TARS3: variants seen among roughly 807,000 people sequenced by gnomAD.
TARS3 encodes threonyl-tRNA synthetase 3.
In TARS3, 94 loss-of-function variants were observed where a neutral mutation model predicts 103.5. The observed-to-expected ratio is 0.91, with a 90% confidence interval of 0.77 to 1.08. The LOEUF (loss-of-function observed/expected upper bound fraction) is 1.08, where lower values mean the gene tolerates loss of function less well. Ranked by LOEUF, TARS3 falls within the 50% of genes least tolerant of loss-of-function variation. The probability of loss-of-function intolerance (pLI) is 0.00; values close to 1 mark genes in which losing one functional copy is unlikely to be tolerated. For synonymous variants in TARS3, 416 were observed against 355.4 expected (o/e 1.17, Z -1.92); for missense variants, 952 against 995.2 (o/e 0.96, Z 0.58).
chr15:101,713,463 G>T (rs1899965430), intron 4 of TARS3, among the ~76,000 whole-genome samples: 1 of 152,198 alleles, frequency 6.6e-6, no homozygotes, highest in East Asian at 1.9e-4. Context: ...ATGAATTTCA[G>T]GGGACAAAAC....
In TARS3 at chr15:101,690,104, A is replaced by G. The variant is rs553154207; in HGVS notation, c.1321-4042T>C. On this transcript the variant is annotated intron_variant, in intron 10 of 18. Transcript: ENST00000335968. ...GATCGGAGTTTGTGGGAGGAAACCA[A>G]TGTCCTCAGTGTCCTCCAAGCAAAA... Among the ~76,000 whole-genome samples the G allele has an allele frequency of 2.6e-4, 40 of 152,292 alleles. No individual in the cohort carries two copies. In the South Asian group the frequency reaches 8.1e-3, roughly 31 times the overall value.
chr15:101,684,387 C>A, intron 11 of TARS3, 150 bp from the exon 12 acceptor site: 2 of 694,738 alleles, frequency 2.9e-6, no homozygotes, highest in Non-Finnish European at 4.4e-6. Context: ...AATTCTTCCA[C>A]AAATTAGTGA....
intron 11 of TARS3, among the ~76,000 whole-genome samples, chr15:101,684,678 T>G (rs1898394424): frequency 6.6e-6 from 1 of 152,288 alleles, no homozygotes; most frequent in Non-Finnish European, 1.5e-5. Flanking sequence ...ACTCTGCTCA[T>G]GAGTTCCATG....
intron 3 of TARS3, among the ~76,000 whole-genome samples, chr15:101,715,306 G>C (rs4965918): frequency 0.66 from 100,085 of 150,724 alleles, 34,739 homozygotes; most frequent in East Asian, 0.87. Flanking sequence ...GCCACTACGC[G>C]CGGCTAATTT....
At chr15:101,692,726 T>C (rs1898781936) in intron 10 of TARS3, among the ~76,000 whole-genome samples, 1 of 152,254 alleles carries the variant, frequency 6.6e-6, no homozygotes. Flanking sequence ...TTGCTATTGG[T>C]AATCCCTGGG....
At chr15:101,680,297 T>C (rs1183551070) in intron 12 of TARS3, among the ~76,000 whole-genome samples, 1 of 152,244 alleles carries the variant, frequency 6.6e-6, no homozygotes. Context: ...GTAGATATTG[T>C]CTAAAACTTT....
At chr15:101,667,717 C>T (rs940719771) in intron 15 of TARS3, among the ~76,000 whole-genome samples, 8 of 151,958 alleles carry the variant, frequency 5.3e-5, no homozygotes, top group African/African-American at 1.9e-4. Context: ...ATTACAGGCA[C>T]CCACCACCAC....
chr15:101,673,117 A>T (rs1897879189), intron 13 of TARS3, among the ~76,000 whole-genome samples: 1 of 152,202 alleles, frequency 6.6e-6, no homozygotes, highest in East Asian at 1.9e-4. Context: ...TTCAATGCTC[A>T]CCTCAGTGAT....
intron 10 of TARS3, among the ~76,000 whole-genome samples, chr15:101,700,394 TC>T (rs1346571627): frequency 6.6e-6 from 1 of 152,220 alleles, no homozygotes; most frequent in South Asian, 2.1e-4. Context: ...AAGGGAAGCA[TC>T]AGTGGCCCAT....
At position 101,716,781 on chromosome 15, in the gene TARS3, G is replaced by A. The variant is rs185166409; in HGVS notation, c.567-1818C>T. Among the ~76,000 whole-genome samples the A allele has an allele frequency of 2.1e-3, 324 of 152,002 alleles. 1 individual carries two copies. Among genetic ancestry groups the A allele is most frequent in the Middle Eastern group, 0.01 (3 of 292 alleles). The stretch of plus-strand genomic sequence containing the variant: ...ATATTGCAAAATTTTCCTACTAGCA[G>A]AGTTACAAGAGTATCTTGTCTCTGA... On this transcript the variant is annotated intron_variant, in intron 3 of 18. Transcript: ENST00000335968.
intron 10 of TARS3, among the ~76,000 whole-genome samples, chr15:101,694,233 G>C (rs1898863427): frequency 6.6e-6 from 1 of 152,180 alleles, no homozygotes; most frequent in African/African-American, 2.4e-5. Context: ...CAAAAACTCA[G>C]AAATCCTGAA....
intron 3 of TARS3, among the ~76,000 whole-genome samples, chr15:101,720,297 A>C (rs1038282265): frequency 2.0e-5 from 3 of 152,322 alleles, no homozygotes; most frequent in African/African-American, 7.2e-5. Context: ...GTATTTATAC[A>C]ATAGCTTCTA....
intron 10 of TARS3, among the ~76,000 whole-genome samples, chr15:101,696,767 C>T (rs1241166667): frequency 6.6e-6 from 1 of 152,172 alleles, no homozygotes; most frequent in Admixed American, 6.5e-5. Flanking sequence ...ATTAGGCTTT[C>T]TTTCCTAAGA....
Position 101,654,288 on chromosome 15 carries a change from A to C in TARS3, c.*294T>G. 3.6e-6 allele frequency: 1 copy of C among 277,390 alleles called. No homozygotes were observed. Among genetic ancestry groups the C allele is most frequent in the East Asian group, 7.0e-5 (1 of 14,372 alleles). 17.2% of individuals were successfully genotyped at this position (277,390 alleles called of 1,614,324 possible). ...CTTTTGAAAATCACTAACATTTCAT[A>C]ATCATTTCCTAGTGTTTTGTTTCAC... On this transcript the variant is annotated 3_prime_UTR_variant, in exon 19 of 19. Coordinates refer to ENST00000335968, the MANE Select transcript of TARS3 (RefSeq NM_152334.3).
intron 12 of TARS3, among the ~76,000 whole-genome samples, chr15:101,677,980 G>C (rs1898101755): frequency 1.4e-5 from 2 of 147,060 alleles, no homozygotes; most frequent in South Asian, 4.2e-4. Context: ...TTTTTTTGGG[G>C]GTCATTTTTT....
intron 7 of TARS3, 47 bp downstream of exon 7, chr15:101,705,636 C>T (rs891931804): frequency 1.9e-6 from 3 of 1,549,974 alleles, no homozygotes; most frequent in African/African-American, 2.7e-5. Flanking sequence ...ACTGCTAACA[C>T]CTTCAAGTTT....
rs578173067 is a variant in TARS3, at chr15:101,711,829, A to G, written c.812+51T>C. 4.6e-5 allele frequency: 73 copies of G among 1,598,254 alleles called. No homozygotes were observed. The East Asian group carries it at 1.2e-3, about 26-fold the overall frequency. ...CTAGGCTAGTATGTAACCATTACAGAACAATACAATTGAAACACATGCATT... is the reference window on the plus strand; with the variant it reads ...CTAGGCTAGTATGTAACCATTACAGGACAATACAATTGAAACACATGCATT... On this transcript the variant is annotated intron_variant, in intron 5 of 18. Transcript: ENST00000335968.
At chr15:101,685,009 A>G (rs573883082) in intron 11 of TARS3, among the ~76,000 whole-genome samples, 45 of 152,360 alleles carry the variant, frequency 3.0e-4, no homozygotes, top group African/African-American at 1.0e-3. Context: ...GTTTAGAAAG[A>G]GAGGATACAG....
At chr15:101,688,076 A>G (rs1050316807) in intron 10 of TARS3, among the ~76,000 whole-genome samples, 2 of 152,166 alleles carry the variant, frequency 1.3e-5, no homozygotes, top group Admixed American at 6.6e-5. Context: ...GTCAGCAACT[A>G]TTATATTTTT....
Sources: gnomAD v4.1 joint callset for allele counts (sites outside exome capture counted in the v4.1 genomes callset) on GRCh38, gnomAD v4.1.1 for gene constraint, MANE v1.5 for transcripts, NCBI Gene and HGNC (gene_info 2026-07-23, HGNC 2026-07-21) for gene names.